Variants in CAMK2D observed in about 807,000 individuals in gnomAD.
The protein encoded by CAMK2D is calcium/calmodulin dependent protein kinase II delta.
A neutral mutation model predicts 84.0 loss-of-function variants in CAMK2D; 37 were observed. The ratio of observed to expected loss-of-function variants is 0.44; its 90% CI spans 0.34 to 0.58. CAMK2D has a LOEUF of 0.58. Ranked by LOEUF, CAMK2D falls within the 20% of genes least tolerant of loss-of-function variation. The pLI, the probability that CAMK2D is intolerant of heterozygous loss-of-function variation, is 0.02. For synonymous variants in CAMK2D, 202 were observed against 212.5 expected (o/e 0.95, Z 0.43); for missense variants, 448 against 652.5 (o/e 0.69, Z 3.41).
At chr4:113,693,112 G>A (rs146348349) in intron 2 of CAMK2D, among the ~76,000 whole-genome samples, 2 of 152,234 alleles carry the variant, frequency 1.3e-5, no homozygotes, top group African/African-American at 4.8e-5. Flanking sequence ...ACCTTTCTGA[G>A]GGATACTGTC....
intron 1 of CAMK2D, 117 bp downstream of exon 1, chr4:113,760,884 CCCT>C (rs2099639817): frequency 8.0e-7 from 1 of 1,252,992 alleles, no homozygotes; most frequent in Admixed American, 1.8e-5. Context: ...AAACCAGGGG[CCCT>C]CCTCCCATTC....
chr4:113,523,611 A>T (rs1268914385), intron 8 of CAMK2D, among the ~76,000 whole-genome samples: 1 of 151,890 alleles, frequency 6.6e-6, no homozygotes, highest in Non-Finnish European at 1.5e-5. Context: ...TGTCTCTACA[A>T]AAAGTAAAAA....
chr4:113,548,332 T>TA (rs1653976713), intron 5 of CAMK2D, among the ~76,000 whole-genome samples: 1 of 152,180 alleles, frequency 6.6e-6, no homozygotes, highest in African/African-American at 2.4e-5. Context: ...CAGGCGGACA[T>TA]ACATCACAGG....
At chr4:113,745,111 G>A (rs953180582) in intron 2 of CAMK2D, among the ~76,000 whole-genome samples, 4 of 152,146 alleles carry the variant, frequency 2.6e-5, no homozygotes, top group Admixed American at 2.6e-4. Flanking sequence ...CTGCTACCAA[G>A]TAACATCATA....
chr4:113,624,796 A>T (rs6810698), intron 3 of CAMK2D, among the ~76,000 whole-genome samples: 89,395 of 152,102 alleles, frequency 0.59, 27,925 homozygotes, highest in East Asian at 0.81. Context: ...TAAGCCCATA[A>T]TTTTGTAATT....
intron 4 of CAMK2D, among the ~76,000 whole-genome samples, chr4:113,564,801 TG>T (rs2098714703): frequency 6.6e-6 from 1 of 152,246 alleles, no homozygotes; most frequent in South Asian, 2.1e-4. Context: ...TCTAGTCATT[TG>T]CATATTTATT....
intron 2 of CAMK2D, among the ~76,000 whole-genome samples, chr4:113,736,114 C>T (rs912507904): frequency 7.6e-6 from 1 of 132,038 alleles, no homozygotes; most frequent in Non-Finnish European, 1.6e-5. Flanking sequence ...AAATAGCCAC[C>T]TGACTCACTA....
intron 2 of CAMK2D, chr4:113,754,628 C>A: frequency 2.8e-5 from 27 of 979,164 alleles, no homozygotes; most frequent in Non-Finnish European, 3.3e-5. Context: ...TTATTTTCTT[C>A]ATTTAATGAA....
intron 7 of CAMK2D, among the ~76,000 whole-genome samples, 181 bp from the exon 8 acceptor site, chr4:113,531,480 T>C (rs1366834311): frequency 6.6e-6 from 1 of 152,212 alleles, no homozygotes; most frequent in Non-Finnish European, 1.5e-5. Context: ...AACACTAGTA[T>C]GCCCTGCCCT....
chr4:113,749,268 C>A (rs995194891), intron 2 of CAMK2D, among the ~76,000 whole-genome samples: 3 of 147,158 alleles, frequency 2.0e-5, no homozygotes, highest in Non-Finnish European at 4.5e-5. Flanking sequence ...CCGCCCCCCC[C>A]ACCCAGTGTC....
At chr4:113,758,571 G>A (rs1039566422) in intron 2 of CAMK2D, among the ~76,000 whole-genome samples, 2 of 152,034 alleles carry the variant, frequency 1.3e-5, no homozygotes, top group Admixed American at 6.6e-5. Context: ...CCTCAGACAC[G>A]TGCCCACAAT....
intron 4 of CAMK2D, among the ~76,000 whole-genome samples, chr4:113,561,364 C>T (rs980020083): frequency 6.6e-6 from 1 of 152,110 alleles, no homozygotes; most frequent in Non-Finnish European, 1.5e-5. Context: ...ATCTCAGCTA[C>T]TCAAGAGGCT....
chr4:113,629,427 G>A (rs2099080623), intron 3 of CAMK2D, among the ~76,000 whole-genome samples: 1 of 151,848 alleles, frequency 6.6e-6, no homozygotes, highest in Non-Finnish European at 1.5e-5. Flanking sequence ...TTTAAAATAA[G>A]AAATAACTTT....
At chr4:113,454,807 A>G (rs2097286098) in intron 20 of CAMK2D, among the ~76,000 whole-genome samples, 1 of 152,226 alleles carries the variant, frequency 6.6e-6, no homozygotes, top group East Asian at 1.9e-4. Flanking sequence ...AAATCTAAGT[A>G]TACATCTTAA....
At chr4:113,508,225 T>C (rs745401608) in intron 13 of CAMK2D, 29 of 1,538,920 alleles carry the variant, frequency 1.9e-5, no homozygotes, top group Non-Finnish European at 2.2e-5. Flanking sequence ...ATCTGGCAGA[T>C]AGATCCTCAC....
intron 4 of CAMK2D, among the ~76,000 whole-genome samples, chr4:113,590,742 T>C (rs1859153): frequency 0.66 from 99,840 of 151,954 alleles, 33,442 homozygotes; most frequent in Middle Eastern, 0.73. Flanking sequence ...TCATATATTC[T>C]TTAAAACAAA....
At chr4:113,506,592 A>AG (rs1473969862) in intron 13 of CAMK2D, among the ~76,000 whole-genome samples, 1 of 152,196 alleles carries the variant, frequency 6.6e-6, no homozygotes, top group African/African-American at 2.4e-5. Flanking sequence ...AGAAAAGGGG[A>AG]GGGATGCACA....
chr4:113,761,256 T>C lies in CAMK2D; in HGVS notation c.-188A>G. On this transcript the variant is annotated 5_prime_UTR_variant, in exon 1 of 21. Coordinates refer to ENST00000511664, the MANE Select transcript of CAMK2D (RefSeq NM_001321571.2). ...CGGGAGGGGAGATGACCAGAAAGGG[T>C]GGCGTGGGGTCTCCTCCCCACAGTC... 3 of 1,457,444 alleles carry C rather than the reference T, an allele frequency of 2.1e-6. No individual in the cohort carries two copies. Among genetic ancestry groups the C allele is most frequent in the African/African-American group, 1.4e-5 (1 of 70,818 alleles). The allele number at this position is 1,457,444 out of a possible 1,614,324, so 90.3% of individuals were successfully genotyped here.
intron 4 of CAMK2D, among the ~76,000 whole-genome samples, chr4:113,589,553 C>T (rs571270632): frequency 7.2e-5 from 11 of 152,026 alleles, no homozygotes; most frequent in African/African-American, 1.9e-4. Context: ...AAGAGAAGGG[C>T]GCAATGAGTC....
Sources: gnomAD v4.1 joint callset for allele counts (sites outside exome capture counted in the v4.1 genomes callset) on GRCh38, gnomAD v4.1.1 for gene constraint, MANE v1.5 for transcripts, NCBI Gene and HGNC (gene_info 2026-07-23, HGNC 2026-07-21) for gene names.